PTPRD: variants seen among roughly 807,000 people sequenced by gnomAD.
The protein encoded by PTPRD is protein tyrosine phosphatase receptor type D.
PTPRD carries 34 observed loss-of-function variants against 214.5 expected under a neutral mutation model. That is an observed-to-expected ratio of 0.16 (90% CI 0.12 to 0.21). PTPRD has a LOEUF of 0.21. Among genes scored for constraint, PTPRD ranks in the 10% least tolerant of loss-of-function variants. The probability of loss-of-function intolerance (pLI) is 1.00; values close to 1 mark genes in which losing one functional copy is unlikely to be tolerated. For missense variants in PTPRD, 2,545 were observed against 2,398.7 expected (o/e 1.06, Z -1.27); for synonymous variants, 1,128 against 845.7 (o/e 1.33, Z -5.79).
At chr9:9,090,611 T>C (rs1445650242) in intron 10 of PTPRD, among the ~76,000 whole-genome samples, 2 of 152,208 alleles carry the variant, frequency 1.3e-5, no homozygotes, top group African/African-American at 4.8e-5. Flanking sequence ...TATTTTTGGA[T>C]GAAGGGCAGA....
intron 35 of PTPRD, among the ~76,000 whole-genome samples, chr9:8,433,700 C>G (rs1363918912): frequency 6.6e-6 from 1 of 152,136 alleles, no homozygotes; most frequent in Non-Finnish European, 1.5e-5. Context: ...TATAGCTGTA[C>G]AGTGTGCTTG....
intron 8 of PTPRD, among the ~76,000 whole-genome samples, chr9:9,440,408 G>T (rs1326401222): frequency 5.9e-5 from 9 of 152,106 alleles, no homozygotes; most frequent in Non-Finnish European, 1.3e-4. Context: ...AAAGTGAAAA[G>T]GTAGAAAGGG....
chr9:10,291,868 C>T (rs1487964425), intron 3 of PTPRD, among the ~76,000 whole-genome samples: 2 of 151,988 alleles, frequency 1.3e-5, no homozygotes, highest in African/African-American at 2.4e-5. Flanking sequence ...AATTAATGCA[C>T]CTTGGAGCCA....
intron 2 of PTPRD, among the ~76,000 whole-genome samples, chr9:10,434,223 T>C (rs183039535): frequency 3.9e-5 from 6 of 151,952 alleles, no homozygotes; most frequent in Admixed American, 3.9e-4. Context: ...TCCATATGCA[T>C]CACTCAGTCT....
At chr9:10,355,223 G>A (rs2154461416) in intron 2 of PTPRD, among the ~76,000 whole-genome samples, 1 of 152,070 alleles carries the variant, frequency 6.6e-6, no homozygotes, top group South Asian at 2.1e-4. Context: ...ATGTATCTTG[G>A]TATTTAATAG....
Position 9,442,674 on chromosome 9 carries a change from A to T in PTPRD, c.-236-45192T>A, listed in dbSNP as rs555066359. Among the ~76,000 whole-genome samples, 7 of 152,314 alleles carry T rather than the reference A, an allele frequency of 4.6e-5. No individual in the cohort carries two copies. The East Asian group carries it at 1.4e-3, about 29-fold the overall frequency. ...GGGATTTAATTAAAGATGTTCTATT[A>T]TATTTTCAAAGTCTTTCTGAAGCTG... On this transcript the variant is annotated intron_variant, in intron 8 of 45. Transcript: ENST00000381196.
At chr9:9,903,694 T>C (rs559713670) in intron 5 of PTPRD, among the ~76,000 whole-genome samples, 2 of 152,154 alleles carry the variant, frequency 1.3e-5, no homozygotes, top group East Asian at 3.9e-4. Flanking sequence ...TTTAAAACCA[T>C]TCCCTCTTTC....
intron 8 of PTPRD, among the ~76,000 whole-genome samples, chr9:9,468,241 T>C (rs2094352531): frequency 6.6e-6 from 1 of 152,040 alleles, no homozygotes; most frequent in South Asian, 2.1e-4. Flanking sequence ...GTAATTTATA[T>C]ATATTTAGAA....
Position 10,478,004 on chromosome 9 carries a change from G to T in PTPRD, c.-600+134394C>A, listed in dbSNP as rs1403704213. On this transcript the variant is annotated intron_variant, in intron 2 of 45. Coordinates refer to ENST00000381196, the MANE Select transcript of PTPRD (RefSeq NM_002839.4). Reference sequence around the variant, plus strand: ...GGGATGGGGGACAAGGGGAGGGAGAGCATTAGCACAAATACCTAATGCATG... The same window carrying T: ...GGGATGGGGGACAAGGGGAGGGAGATCATTAGCACAAATACCTAATGCATG... Among the ~76,000 whole-genome samples the T allele has an allele frequency of 2.6e-5, 4 of 151,418 alleles. No homozygotes were observed. The East Asian group carries it at 7.8e-4, about 30-fold the overall frequency.
chr9:9,841,147 A>C (rs2058236717), intron 5 of PTPRD, among the ~76,000 whole-genome samples: 1 of 152,218 alleles, frequency 6.6e-6, no homozygotes, highest in Non-Finnish European at 1.5e-5. Flanking sequence ...AATATTTACC[A>C]GTAAAAATAT....
intron 5 of PTPRD, among the ~76,000 whole-genome samples, chr9:9,903,308 C>G (rs748411154): frequency 3.9e-5 from 6 of 151,982 alleles, no homozygotes; most frequent in Non-Finnish European, 7.4e-5. Context: ...GTATTTTAAG[C>G]TATTACTTTA....
chr9:10,519,392 T>A (rs1211024795), intron 2 of PTPRD, among the ~76,000 whole-genome samples: 1 of 151,878 alleles, frequency 6.6e-6, no homozygotes, highest in African/African-American at 2.4e-5. Flanking sequence ...AAAAATCTGA[T>A]GATTGAAAAC....
At chr9:9,229,181 A>T (rs528311145) in intron 9 of PTPRD, among the ~76,000 whole-genome samples, 2 of 152,260 alleles carry the variant, frequency 1.3e-5, no homozygotes, top group South Asian at 4.1e-4. Context: ...ATTTTAAAAA[A>T]TTGATAACAT....
At chr9:8,458,984 T>C (rs1179987875) in intron 33 of PTPRD, among the ~76,000 whole-genome samples, 3 of 152,182 alleles carry the variant, frequency 2.0e-5, no homozygotes, top group Non-Finnish European at 4.4e-5. Flanking sequence ...TCATTTGTCC[T>C]TTATTTTCTC....
At chr9:10,112,971 A>G (rs2098703767) in intron 3 of PTPRD, among the ~76,000 whole-genome samples, 1 of 152,234 alleles carries the variant, frequency 6.6e-6, no homozygotes, top group African/African-American at 2.4e-5. Flanking sequence ...GATGCTTGCC[A>G]AAAGTGGCGA....
intron 2 of PTPRD, among the ~76,000 whole-genome samples, chr9:10,388,697 T>A (rs956100783): frequency 4.0e-5 from 6 of 151,874 alleles, no homozygotes; most frequent in Non-Finnish European, 7.4e-5. Context: ...TGGGTTTGAG[T>A]CCTGCCTATT....
intron 8 of PTPRD, among the ~76,000 whole-genome samples, chr9:9,533,120 C>T (rs1199914542): frequency 6.6e-6 from 1 of 152,008 alleles, no homozygotes; most frequent in East Asian, 1.9e-4. Flanking sequence ...AGTGCTATTA[C>T]TTGTTTATAT....
At chr9:9,991,614 G>T (rs573805863) in intron 4 of PTPRD, among the ~76,000 whole-genome samples, 1 of 152,164 alleles carries the variant, frequency 6.6e-6, no homozygotes, top group Non-Finnish European at 1.5e-5. Flanking sequence ...ACCTGCCTTG[G>T]CCTCCCGAAG....
intron 11 of PTPRD, among the ~76,000 whole-genome samples, chr9:8,772,083 T>A (rs1276635448): frequency 6.6e-6 from 1 of 152,024 alleles, no homozygotes; most frequent in African/African-American, 2.4e-5. Flanking sequence ...TATATACACC[T>A]ACTATGTGCC....
Sources: gnomAD v4.1 joint callset for allele counts (sites outside exome capture counted in the v4.1 genomes callset) on GRCh38, gnomAD v4.1.1 for gene constraint, MANE v1.5 for transcripts, NCBI Gene and HGNC (gene_info 2026-07-23, HGNC 2026-07-21) for gene names.